SKAP2: variants seen among roughly 807,000 people sequenced by gnomAD.
The protein encoded by SKAP2 is src kinase associated phosphoprotein 2.
A neutral mutation model predicts 54.9 loss-of-function variants in SKAP2; 28 were observed. The ratio of observed to expected loss-of-function variants is 0.51; its 90% confidence interval spans 0.38 to 0.70. SKAP2 has a LOEUF of 0.70. Ranked by LOEUF, SKAP2 falls within the 30% of genes least tolerant of loss-of-function variation. SKAP2 has a pLI of 0.00. For missense variants in SKAP2, 356 were observed against 424.1 expected, an observed-to-expected ratio of 0.84 and a Z score of 1.41; for synonymous variants, 137 against 134.3, an observed-to-expected ratio of 1.02 and a Z score of -0.14.
At chr7:26,834,691 A>G (rs1192577537) in intron 4 of SKAP2, among the ~76,000 whole-genome samples, 1 of 152,200 alleles carries the variant, frequency 6.6e-6, no homozygotes, top group African/African-American at 2.4e-5. Flanking sequence ...TCTGAAATTG[A>G]GGCAGTAATT....
At chr7:26,673,663 AG>A (rs1234111540) in intron 11 of SKAP2, among the ~76,000 whole-genome samples, 1 of 152,146 alleles carries the variant, frequency 6.6e-6, no homozygotes, top group African/African-American at 2.4e-5. Flanking sequence ...AGCAAAAAAA[AG>A]CCAAACTTGC....
intron 6 of SKAP2, among the ~76,000 whole-genome samples, chr7:26,737,859 A>G (rs998680875): frequency 6.6e-6 from 1 of 152,254 alleles, no homozygotes; most frequent in African/African-American, 2.4e-5. Context: ...TTAATTAACA[A>G]TGAAGTTATA....
At chr7:26,681,215 C>T (rs886654098) in intron 11 of SKAP2, among the ~76,000 whole-genome samples, 4 of 152,112 alleles carry the variant, frequency 2.6e-5, no homozygotes, top group Non-Finnish European at 4.4e-5. Flanking sequence ...TTTGGGAGGC[C>T]GAGGCGGGCA....
At chr7:26,773,011 G>T (rs956288912) in intron 4 of SKAP2, among the ~76,000 whole-genome samples, 1 of 152,190 alleles carries the variant, frequency 6.6e-6, no homozygotes, top group African/African-American at 2.4e-5. Context: ...TGAAGATCCA[G>T]TCTGTTATCT....
At chr7:26,726,190 C>T (rs1417621364) in intron 7 of SKAP2, among the ~76,000 whole-genome samples, 1 of 152,112 alleles carries the variant, frequency 6.6e-6, no homozygotes, top group African/African-American at 2.4e-5. Context: ...AAACGCTGAT[C>T]AGCAGCTGGC....
At chr7:26,811,744 G>T (rs1472782561) in intron 4 of SKAP2, among the ~76,000 whole-genome samples, 1 of 152,088 alleles carries the variant, frequency 6.6e-6, no homozygotes, top group Non-Finnish European at 1.5e-5. Context: ...TAAAAGAGAA[G>T]AAAAGGGCAC....
chr7:26,711,447 A>G (rs1787301923), intron 9 of SKAP2, among the ~76,000 whole-genome samples: 1 of 152,232 alleles, frequency 6.6e-6, no homozygotes, highest in Admixed American at 6.5e-5. Flanking sequence ...TTTGTGGACA[A>G]AAAAATGAAA....
chr7:26,854,161 A>T lies in SKAP2; in HGVS notation c.175T>A (p.Tyr59Asn). 6.3e-7 allele frequency: 1 copy of T among 1,579,982 alleles called. No individual in the cohort carries two copies. Among genetic ancestry groups the T allele is most frequent in the Non-Finnish European group, 8.6e-7 (1 of 1,161,260 alleles). Residue 59 changes from tyrosine (Y) to asparagine (N), a missense_variant and splice_region_variant, in exon 3 of 13, where the codon TAT becomes AAT. Transcript: ENST00000345317. ...IKKIKDVKSIYLQEFQDKGDA... is the reference protein window; with the variant it reads ...IKKIKDVKSINLQEFQDKGDA... ...CCTTTGTCTTGAAATTCCTGAAGATAGCTACAAAACAAAGAACATATTTTT... is the reference window on the plus strand; with the variant it reads ...CCTTTGTCTTGAAATTCCTGAAGATTGCTACAAAACAAAGAACATATTTTT...
At chr7:26,762,260 C>T (rs1352057156) in intron 4 of SKAP2, among the ~76,000 whole-genome samples, 1 of 151,758 alleles carries the variant, frequency 6.6e-6, no homozygotes, top group Non-Finnish European at 1.5e-5. Flanking sequence ...CAGAGTGAGA[C>T]CCTGTCTCTA....
At chr7:26,828,020 T>C (rs1335164716) in intron 4 of SKAP2, among the ~76,000 whole-genome samples, 5 of 152,172 alleles carry the variant, frequency 3.3e-5, no homozygotes, top group Non-Finnish European at 5.9e-5. Context: ...TCAATTCAAA[T>C]AAACAAACTA....
At chr7:26,751,525 T>C (rs1447786834) in intron 4 of SKAP2, among the ~76,000 whole-genome samples, 2 of 152,184 alleles carry the variant, frequency 1.3e-5, no homozygotes, top group African/African-American at 4.8e-5. Context: ...AACTATCTAA[T>C]TTTTTATTTA....
intron 4 of SKAP2, among the ~76,000 whole-genome samples, chr7:26,754,246 C>T (rs1424935833): frequency 6.6e-6 from 1 of 151,760 alleles, no homozygotes; most frequent in African/African-American, 2.4e-5. Context: ...CACCTGCAAT[C>T]CCAGCCACTC....
At position 26,801,923 on chromosome 7, in the gene SKAP2, A is replaced by T. The variant is rs555848870; in HGVS notation, c.307+42107T>A. 2.4e-4 allele frequency among the ~76,000 whole-genome samples: 36 copies of T among 152,288 alleles called. No individual in the cohort carries two copies. The South Asian group carries it at 6.9e-3, about 29-fold the overall frequency. ...GAATCAATATTGTTACAATGTCCATATTACCCAAAGCAATCTACAGATTCA... is the reference window on the plus strand; with the variant it reads ...GAATCAATATTGTTACAATGTCCATTTTACCCAAAGCAATCTACAGATTCA... On this transcript the variant is annotated intron_variant, in intron 4 of 12. Transcript: ENST00000345317.
At chr7:26,817,183 A>G (rs1784282475) in intron 4 of SKAP2, among the ~76,000 whole-genome samples, 1 of 152,166 alleles carries the variant, frequency 6.6e-6, no homozygotes, top group Non-Finnish European at 1.5e-5. Flanking sequence ...GGACTAAATA[A>G]CAGACCAGCA....
chr7:26,738,567 T>A (rs1293975024), intron 6 of SKAP2, among the ~76,000 whole-genome samples: 3 of 152,208 alleles, frequency 2.0e-5, no homozygotes, highest in Non-Finnish European at 1.5e-5. Context: ...GTTATTTTAC[T>A]CTCTTTTCTA....
At chr7:26,785,203 T>A (rs1226171722) in intron 4 of SKAP2, among the ~76,000 whole-genome samples, 1 of 151,998 alleles carries the variant, frequency 6.6e-6, no homozygotes. Flanking sequence ...TTTTGTTTGT[T>A]TTTTTTTAAG....
chr7:26,785,718 A>G (rs1677952826), intron 4 of SKAP2, among the ~76,000 whole-genome samples: 1 of 152,104 alleles, frequency 6.6e-6, no homozygotes, highest in African/African-American at 2.4e-5. Flanking sequence ...CTCCTAAGAA[A>G]TCCCCATTTC....
intron 4 of SKAP2, among the ~76,000 whole-genome samples, chr7:26,767,176 T>G (rs1783077213): frequency 6.6e-6 from 1 of 152,224 alleles, no homozygotes; most frequent in Admixed American, 6.5e-5. Flanking sequence ...TGAATTTGAC[T>G]TCTTCCTGTT....
At chr7:26,701,578 CAA>C (rs527595465) in intron 9 of SKAP2, among the ~76,000 whole-genome samples, 10 of 151,896 alleles carry the variant, frequency 6.6e-5, no homozygotes, top group Non-Finnish European at 1.3e-4. Flanking sequence ...ACTAAAAATA[CAA>C]AAATTAGCCA....
Sources: gnomAD v4.1 joint callset for allele counts (sites outside exome capture counted in the v4.1 genomes callset) on GRCh38, gnomAD v4.1.1 for gene constraint, MANE v1.5 for transcripts, NCBI Gene and HGNC (gene_info 2026-07-23, HGNC 2026-07-21) for gene names.